ZNF141: variants seen among roughly 807,000 people sequenced by gnomAD.
ZNF141 encodes zinc finger protein 141.
In ZNF141, 7 loss-of-function variants were observed where a neutral mutation model predicts 11.3. That is an observed-to-expected ratio of 0.62 (90% confidence interval 0.35 to 1.16). The LOEUF (loss-of-function observed/expected upper bound fraction) is 1.16. Among genes scored for constraint, ZNF141 ranks in the 50% most tolerant of loss-of-function variants. The pLI is 0.02. For synonymous variants in ZNF141, 183 were observed against 190.7 expected (o/e 0.96, Z 0.33); for missense variants, 535 against 554.0 (o/e 0.97, Z 0.34).
Position 377,022 on chromosome 4 carries a change from G to C in ZNF141, c.*3160G>C, listed in dbSNP as rs1246848019. On this transcript the variant is annotated 3_prime_UTR_variant, in exon 4 of 4. Transcript: ENST00000240499. ...ATAAGAATGATTTTTATAAAATGTA[G>C]TGAATGTAAAATTTTTAGATGTAAT... Among the ~76,000 whole-genome samples, 1 of 152,076 alleles carries C rather than the reference G, an allele frequency of 6.6e-6. No individual in the cohort carries two copies. Among genetic ancestry groups the C allele is most frequent in the Non-Finnish European group, 1.5e-5 (1 of 67,992 alleles).
Position 372,778 on chromosome 4 carries a change from G to T in ZNF141, c.341G>T (p.Arg114Ile). 1 of 1,613,818 alleles carries T rather than the reference G, an allele frequency of 6.2e-7. No individual in the cohort carries two copies. The highest frequency in any genetic ancestry group is 1.1e-5 in the South Asian group (1 of 91,062). ...EKCGHDNLQL[R>I]KGCKSLNECK... is the part of the protein sequence containing the mutation. ...TGTGGACATGATAATTTACAATTAAGAAAAGGCTGTAAAAGTTTGAATGAG... is the reference window on the plus strand; with the variant it reads ...TGTGGACATGATAATTTACAATTAATAAAAGGCTGTAAAAGTTTGAATGAG... The change falls in exon 4 of 4, where the codon AGA (arginine) becomes ATA (isoleucine). Residue 114 changes from arginine (R) to isoleucine (I), a missense_variant. Transcript: ENST00000240499.
At chr4:342,656 T>G (rs1581580221) in intron 1 of ZNF141, among the ~76,000 whole-genome samples, 1 of 152,208 alleles carries the variant, frequency 6.6e-6, no homozygotes, top group East Asian at 1.9e-4. Context: ...CTCAGCCCAG[T>G]CTTCCAGTAG....
intron 3 of ZNF141, among the ~76,000 whole-genome samples, chr4:364,837 T>A (rs555228311): frequency 5.3e-5 from 8 of 152,012 alleles, no homozygotes; most frequent in African/African-American, 1.7e-4. Flanking sequence ...TCAAACACCA[T>A]GCTGGGAGAA....
intron 3 of ZNF141, among the ~76,000 whole-genome samples, chr4:364,851 C>T (rs1022729077): frequency 2.7e-5 from 4 of 148,498 alleles, no homozygotes; most frequent in East Asian, 2.0e-4. Context: ...GGGAGAACCA[C>T]GATTCTCTTC....
Position 377,639 on chromosome 4 carries a change from A to G in ZNF141, c.*3777A>G, listed in dbSNP as rs1206795411. On this transcript the variant is annotated 3_prime_UTR_variant, in exon 4 of 4. Transcript: ENST00000240499. ...TTTATAGGTTATCAGTGCAACATTT[A>G]GATCACTTGAGATAAGAGTAATTCA... is the stretch of plus-strand genomic sequence containing the variant. Among the ~76,000 whole-genome samples, 1 of 152,190 alleles carries G rather than the reference A, an allele frequency of 6.6e-6. No homozygotes were observed. Among genetic ancestry groups the G allele is most frequent in the African/African-American group, 2.4e-5 (1 of 41,446 alleles).
At chr4:347,102 C>T (rs1299021607) in intron 3 of ZNF141, among the ~76,000 whole-genome samples, 1 of 144,304 alleles carries the variant, frequency 6.9e-6, no homozygotes, top group African/African-American at 2.6e-5. Flanking sequence ...CAGTGGCACG[C>T]TGTTGGCTCA....
intron 1 of ZNF141, among the ~76,000 whole-genome samples, chr4:338,765 G>A (rs1432136218): frequency 6.6e-6 from 1 of 152,218 alleles, no homozygotes. Flanking sequence ...TGTGGGGTCT[G>A]TGCTGACTCC....
chr4:364,611 G>GC (rs1553852694), intron 3 of ZNF141, among the ~76,000 whole-genome samples: 1 of 151,764 alleles, frequency 6.6e-6, no homozygotes, highest in Admixed American at 6.6e-5. Context: ...TATTACTCTT[G>GC]CTAGAGTCCA....
At chr4:369,760 A>ATTTTTT (rs1240893040) in intron 3 of ZNF141, among the ~76,000 whole-genome samples, 18 of 34,064 alleles carry the variant, frequency 5.3e-4, no homozygotes, top group African/African-American at 3.6e-3. Context: ...ATATATATAT[A>ATTTTTT]TATATTTTTT....
At chr4:371,001 G>A (rs1375032161) in intron 3 of ZNF141, among the ~76,000 whole-genome samples, 1 of 151,504 alleles carries the variant, frequency 6.6e-6, no homozygotes, top group Non-Finnish European at 1.5e-5. Flanking sequence ...CAAAGTGCTG[G>A]GATTACAGGC....
intron 3 of ZNF141, among the ~76,000 whole-genome samples, chr4:371,477 T>C (rs570545714): frequency 6.6e-6 from 1 of 151,022 alleles, no homozygotes; most frequent in Non-Finnish European, 1.5e-5. Flanking sequence ...TGATCTGCCC[T>C]CCTCGGCCTC....
intron 1 of ZNF141, among the ~76,000 whole-genome samples, chr4:341,791 C>G (rs564189713): frequency 2.6e-5 from 4 of 152,178 alleles, no homozygotes; most frequent in African/African-American, 9.7e-5. Flanking sequence ...CCAGTCTCCT[C>G]TCCAGAGCTG....
rs565927303 is a variant in ZNF141, at chr4:373,011, A to G, written c.574A>G (p.Ile192Val). The G allele has an allele frequency of 4.7e-5, 76 of 1,614,134 alleles. 2 individuals carry two copies. The South Asian group carries it at 8.0e-4, about 17-fold the overall frequency. The change falls in exon 4 of 4, where the codon ATT becomes GTT. Residue 192 changes from isoleucine to valine, a missense_variant. Ile to Val is a conservative substitution (Grantham distance 29). Coordinates refer to ENST00000240499, the MANE Select transcript of ZNF141 (RefSeq NM_003441.4). ...TTCACACCTAACTCAACATAAGGTA[A>G]TTCATGCTGGAGAGAAACCCTACAC... Reference protein sequence around the residue: ...KFSHLTQHKVIHAGEKPYTCE... With the variant: ...KFSHLTQHKVVHAGEKPYTCE...
intron 3 of ZNF141, among the ~76,000 whole-genome samples, chr4:368,962 T>G (rs1711887978): frequency 6.6e-6 from 1 of 152,342 alleles, no homozygotes; most frequent in East Asian, 1.9e-4. Flanking sequence ...TTAAGGAATT[T>G]AGACATCTTC....
At chr4:340,320 T>C (rs1355552112) in intron 1 of ZNF141, among the ~76,000 whole-genome samples, 1 of 152,114 alleles carries the variant, frequency 6.6e-6, no homozygotes, top group Non-Finnish European at 1.5e-5. Flanking sequence ...AAATGATCTC[T>C]CTATTTGGGA....
chr4:354,799 G>T (rs1371754253), intron 3 of ZNF141, among the ~76,000 whole-genome samples: 1 of 151,904 alleles, frequency 6.6e-6, no homozygotes, highest in Non-Finnish European at 1.5e-5. Context: ...CCCATTGGTT[G>T]TTCAGAAGCA....
At chr4:364,421 A>G (rs1255561604) in intron 3 of ZNF141, among the ~76,000 whole-genome samples, 3 of 151,992 alleles carry the variant, frequency 2.0e-5, no homozygotes, top group Non-Finnish European at 4.4e-5. Context: ...TAGTCTTGGG[A>G]GGGTGTATGT....
chr4:339,821 G>C lies in ZNF141; in HGVS notation c.3+1835G>C, dbSNP rs77176200. 8.4e-3 allele frequency among the ~76,000 whole-genome samples: 1,274 copies of C among 152,346 alleles called. 16 individuals are homozygous for C. Among genetic ancestry groups the C allele is most frequent in the South Asian group, 0.039 (186 of 4,828 alleles). On this transcript the variant is annotated intron_variant, in intron 1 of 3. Coordinates refer to ENST00000240499, the MANE Select transcript of ZNF141 (RefSeq NM_003441.4). ...AATTTCTGTAGCAGAGTAGGAGGCT[G>C]CCTTCAGCAGGTACCTGCCTTCACA... is the stretch of plus-strand genomic sequence containing the variant.
At position 384,560 on chromosome 4, in the gene ZNF141, T is replaced by C. The variant is rs1423591625; in HGVS notation, c.*10698T>C. On this transcript the variant is annotated 3_prime_UTR_variant, in exon 4 of 4. Transcript: ENST00000240499. ...GTCATTAACTTGACCCAGCTCCTTA[T>C]AATGTTACTAACATGACATAAATAT... 2.0e-5 allele frequency: 3 copies of C among 152,220 alleles called. No homozygotes were observed. Among genetic ancestry groups the C allele is most frequent in the Non-Finnish European group, 4.4e-5 (3 of 68,038 alleles). 9.4% of individuals were successfully genotyped at this position (152,220 alleles called of 1,614,324 possible).
Sources: allele counts gnomAD v4.1 joint callset (sites outside exome capture counted in the v4.1 genomes callset), GRCh38; gene constraint gnomAD v4.1.1; transcripts MANE v1.5; gene names NCBI Gene and HGNC (gene_info 2026-07-23, HGNC 2026-07-21).